The following SLCO3A1 variants were observed in gnomAD, a reference collection of about 807,000 sequenced individuals.
The protein encoded by SLCO3A1 is solute carrier organic anion transporter family member 3A1.
Under a neutral mutation model 63.1 loss-of-function variants are expected in SLCO3A1, and 27 were observed. That is an observed-to-expected ratio of 0.43 (90% CI 0.32 to 0.59). The LOEUF (loss-of-function observed/expected upper bound fraction) is 0.59. SLCO3A1 is among the 20% of genes least tolerant of loss of function. SLCO3A1 has a pLI of 0.09. For synonymous variants in SLCO3A1, 473 were observed against 409.9 expected, an observed-to-expected ratio of 1.15 and a Z score of -1.86; for missense variants, 773 against 945.8, an observed-to-expected ratio of 0.82 and a Z score of 2.40.
chr15:91,917,846 C>T (rs1449572901), intron 2 of SLCO3A1, among the ~76,000 whole-genome samples: 1 of 152,228 alleles, frequency 6.6e-6, no homozygotes, highest in Non-Finnish European at 1.5e-5. Context: ...CAAAGGTCTC[C>T]TGAGGTCCAC....
Position 91,988,174 on chromosome 15 carries a change from G to A in SLCO3A1, c.646+71716G>A, listed in dbSNP as rs140896338. 4.6e-3 allele frequency among the ~76,000 whole-genome samples: 703 copies of A among 152,240 alleles called. 3 individuals are homozygous for A. Among genetic ancestry groups the A allele is most frequent in the African/African-American group, 0.016 (676 of 41,550 alleles). ...TTCTAGCACTTGGGCAGGCCAAGGC[G>A]GCTGGATCGCTTGAGCTCAGGAGTT... On this transcript the variant is annotated intron_variant, in intron 2 of 9. Coordinates refer to ENST00000318445, the MANE Select transcript of SLCO3A1 (RefSeq NM_013272.4).
chr15:91,985,903 T>C (rs1364029893), intron 2 of SLCO3A1, among the ~76,000 whole-genome samples: 1 of 152,096 alleles, frequency 6.6e-6, no homozygotes, highest in African/African-American at 2.4e-5. Context: ...AGTCTACGTG[T>C]AGGTGGGGGA....
chr15:91,957,066 T>TAATATATAATATATAG (rs1567037442), intron 2 of SLCO3A1, among the ~76,000 whole-genome samples: 1 of 4,484 alleles, frequency 2.2e-4, no homozygotes, highest in Non-Finnish European at 4.2e-4. Context: ...ATACTATATA[T>TAATATATAATATATAG]TATATATATA....
chr15:92,026,085 A>T (rs1016784510), intron 2 of SLCO3A1, among the ~76,000 whole-genome samples: 3 of 152,008 alleles, frequency 2.0e-5, no homozygotes, highest in Non-Finnish European at 4.4e-5. Flanking sequence ...GCAGTTCTTT[A>T]CCCTGCACGT....
downstream of SLCO3A1, among the ~76,000 whole-genome samples, chr15:92,169,913 T>G (rs900589947): frequency 5.3e-5 from 8 of 152,254 alleles, no homozygotes; most frequent in Non-Finnish European, 7.3e-5. Context: ...AGGAACAGAA[T>G]ATCCAGACAT....
intron 2 of SLCO3A1, among the ~76,000 whole-genome samples, chr15:91,997,734 A>T (rs1236420449): frequency 1.3e-5 from 2 of 152,196 alleles, no homozygotes; most frequent in Non-Finnish European, 2.9e-5. Context: ...ATCTTCAACA[A>T]AGTTGACAAA....
chr15:92,114,300 G>A (rs1376079474), intron 4 of SLCO3A1, among the ~76,000 whole-genome samples: 1 of 152,134 alleles, frequency 6.6e-6, no homozygotes, highest in African/African-American at 2.4e-5. Context: ...ACCCTTCAAA[G>A]CTTTGCAATT....
Position 91,863,113 on chromosome 15 carries a change from C to T in SLCO3A1, c.180+9025C>T, listed in dbSNP as rs1173638135. Among the ~76,000 whole-genome samples, 1 of 152,258 alleles carries T rather than the reference C, an allele frequency of 6.6e-6. No homozygotes were observed. The highest frequency in any genetic ancestry group is 2.4e-5 in the African/African-American group (1 of 41,476). Reference sequence around the variant, plus strand: ...AATGAAGATGAAAATTTCTAAGCAGCATGGACCCATATGTGTTTATTATGT... The same window carrying T: ...AATGAAGATGAAAATTTCTAAGCAGTATGGACCCATATGTGTTTATTATGT... On this transcript the variant is annotated intron_variant, in intron 1 of 9. Coordinates refer to ENST00000318445, the MANE Select transcript of SLCO3A1 (RefSeq NM_013272.4). This position sits in a 1 kb window ranked among gnomAD's most constrained non-coding sequence, Gnocchi z 4.3.
At chr15:91,931,866 A>C (rs988612372) in intron 2 of SLCO3A1, among the ~76,000 whole-genome samples, 5 of 152,170 alleles carry the variant, frequency 3.3e-5, no homozygotes, top group African/African-American at 1.2e-4. Context: ...ATTGCTATTC[A>C]TCACACAAAA....
rs190368776 is a variant in SLCO3A1, at chr15:92,106,511, T to A, written c.1009+1969T>A. On this transcript the variant is annotated intron_variant, in intron 4 of 9. Transcript: ENST00000318445. Reference sequence around the variant, plus strand: ...GGAATAAATTGGGCAGGCATGAGAGTGTGGCTTTCAAAGGACATCCTGGCC... The same window carrying A: ...GGAATAAATTGGGCAGGCATGAGAGAGTGGCTTTCAAAGGACATCCTGGCC... Among the ~76,000 whole-genome samples, 327 of 152,000 alleles carry A rather than the reference T, an allele frequency of 2.2e-3. 3 individuals carry two copies. The highest frequency in any genetic ancestry group is 7.5e-3 in the African/African-American group (311 of 41,460).
At chr15:92,023,541 T>G (rs1176486557) in intron 2 of SLCO3A1, among the ~76,000 whole-genome samples, 1 of 152,002 alleles carries the variant, frequency 6.6e-6, no homozygotes, top group Non-Finnish European at 1.5e-5. Flanking sequence ...GGATCTCAGC[T>G]CACTGCAGCC....
At chr15:91,938,192 A>G (rs1027837330) in intron 2 of SLCO3A1, among the ~76,000 whole-genome samples, 7 of 152,246 alleles carry the variant, frequency 4.6e-5, no homozygotes, top group Admixed American at 6.5e-5. Context: ...CAGTGTGCTC[A>G]TGATTAAAAT....
At chr15:92,014,894 A>G (rs2046408735) in intron 2 of SLCO3A1, among the ~76,000 whole-genome samples, 1 of 152,056 alleles carries the variant, frequency 6.6e-6, no homozygotes, top group Non-Finnish European at 1.5e-5. Flanking sequence ...TCAGGCCTGG[A>G]TCTGATGTGG....
At chr15:91,858,803 C>T (rs1465005396) in intron 1 of SLCO3A1, among the ~76,000 whole-genome samples, 1 of 152,216 alleles carries the variant, frequency 6.6e-6, no homozygotes, top group Non-Finnish European at 1.5e-5. Context: ...TTATTTTGCA[C>T]ACCTAAAAGC....
intron 2 of SLCO3A1, among the ~76,000 whole-genome samples, chr15:91,920,970 T>G (rs891321912): frequency 2.0e-5 from 3 of 152,134 alleles, no homozygotes; most frequent in Non-Finnish European, 4.4e-5. Flanking sequence ...GCTGGGGAGC[T>G]CATTACCAGA....
intron 1 of SLCO3A1, among the ~76,000 whole-genome samples, chr15:91,901,495 C>T (rs1390555354): frequency 1.3e-5 from 2 of 152,042 alleles, no homozygotes; most frequent in Non-Finnish European, 2.9e-5. Flanking sequence ...GTTTCCTTTC[C>T]ATCTGAAGGA....
At chr15:92,117,137 G>C (rs577159748) in intron 4 of SLCO3A1, among the ~76,000 whole-genome samples, 4 of 152,198 alleles carry the variant, frequency 2.6e-5, no homozygotes, top group African/African-American at 9.7e-5. Context: ...CCATTAACCG[G>C]AGTTGCCTTT....
intron 10 of SLCO3A1, chr15:92,171,216 A>G (rs914688148): frequency 1.3e-5 from 2 of 152,638 alleles, no homozygotes; most frequent in African/African-American, 2.4e-5. Flanking sequence ...TACCTTTAAA[A>G]TGAAGCCACA....
chr15:92,163,206 G>A lies in SLCO3A1; in HGVS notation c.*71G>A, dbSNP rs2048462602. The A allele has an allele frequency of 3.5e-6, 5 of 1,435,982 alleles. No individual in the cohort carries two copies. The highest frequency in any genetic ancestry group is 2.7e-5 in the Admixed American group (1 of 37,690). 89.0% of individuals were successfully genotyped at this position (1,435,982 alleles called of 1,614,324 possible). A position where few individuals can be genotyped will look rare whatever the true frequency, so the allele number is the denominator to read the frequency against. ...TTTTTTCTTAAAAAAAGAAAAAAAG[G>A]TTCCAAAAAAAACCAAAACTCAGTA... On this transcript the variant is annotated 3_prime_UTR_variant, in exon 10 of 10. Coordinates refer to ENST00000318445, the MANE Select transcript of SLCO3A1 (RefSeq NM_013272.4).
Sources: gnomAD v4.1 joint callset for allele counts (sites outside exome capture counted in the v4.1 genomes callset) on GRCh38, gnomAD v4.1.1 for gene constraint, Gnocchi (gnomAD v3.1) non-coding constraint, MANE v1.5 for transcripts, NCBI Gene and HGNC (gene_info 2026-07-23, HGNC 2026-07-21) for gene names.